The following ZNHIT6 variants were observed in gnomAD, a reference collection of about 807,000 sequenced individuals.
ZNHIT6 encodes the protein box C/D snoRNA protein 1.
Under a neutral mutation model 57.2 loss-of-function variants are expected in ZNHIT6, and 45 were observed. That is an observed-to-expected ratio of 0.79 (90% CI 0.62 to 1.01). ZNHIT6 has a LOEUF of 1.01. ZNHIT6 is among the 50% of genes least tolerant of loss of function. ZNHIT6 has a pLI of 0.00. For synonymous variants in ZNHIT6, 188 were observed against 190.0 expected, an observed-to-expected ratio of 0.99 and a Z score of 0.09; for missense variants, 528 against 567.3, an observed-to-expected ratio of 0.93 and a Z score of 0.70.
At chr1:85,677,173 G>C (rs1314391567) in intron 8 of ZNHIT6, 63 bp downstream of exon 8, 2 of 1,241,460 alleles carry the variant, frequency 1.6e-6, no homozygotes, top group African/African-American at 3.1e-5. Context: ...AGCTAATCAA[G>C]CTACTTAATT....
At chr1:85,663,262 A>C (rs1661274564) in intron 8 of ZNHIT6, among the ~76,000 whole-genome samples, 3 of 152,188 alleles carry the variant, frequency 2.0e-5, no homozygotes, top group Admixed American at 2.0e-4. Flanking sequence ...CTTATCAGGA[A>C]TTATATTTAT....
Position 85,707,908 on chromosome 1 carries a change from A to T in ZNHIT6, c.377T>A (p.Val126Glu), listed in dbSNP as rs755868986. The T allele has an allele frequency of 6.2e-7, 1 of 1,613,132 alleles. No individual in the cohort carries two copies. The highest frequency in any genetic ancestry group is 1.3e-5 in the African/African-American group (1 of 74,514). The stretch of plus-strand genomic sequence containing the variant: ...TTCACCCACCTTCGCTTCTTTTACC[A>T]CTAAACTACTATCCGTCTCCTGCTT... ...EVKQETDSSL[V>E]VKEAKVGEPE... Residue 126 changes from valine to glutamate, a missense_variant, in exon 1 of 10, where the codon GTG becomes GAG. Transcript: ENST00000370574.
chr1:85,678,101 C>G (rs1661757845), intron 7 of ZNHIT6, among the ~76,000 whole-genome samples: 2 of 152,170 alleles, frequency 1.3e-5, no homozygotes, highest in African/African-American at 2.4e-5. Context: ...TAATAAGGGA[C>G]AGAAACAGCT....
Position 85,707,981 on chromosome 1 carries a change from C to T in ZNHIT6, c.304G>A (p.Glu102Lys). ...TCATCCTTCACCTCAGGCCTATCCT[C>T]CACCTCCTGTTCTACCCACTGGCCA... ...LAGQWVEQEV[E>K]DRPEVKDENA... Residue 102 changes from glutamate (E) to lysine (K), a missense_variant, in exon 1 of 10, where the codon GAG (glutamate) becomes AAG (lysine). Glu to Lys is a moderately conservative substitution (Grantham distance 56). Coordinates refer to ENST00000370574, the MANE Select transcript of ZNHIT6 (RefSeq NM_017953.4). 2 of 1,614,160 alleles carry T rather than the reference C, an allele frequency of 1.2e-6. No homozygotes were observed. Among genetic ancestry groups the T allele is most frequent in the Non-Finnish European group, 1.7e-6 (2 of 1,180,024 alleles).
At position 85,708,404 on chromosome 1, in the gene ZNHIT6, C is replaced by T. The variant is rs1162754879; in HGVS notation, c.-120G>A. 23 of 1,313,476 alleles carry T rather than the reference C, an allele frequency of 1.8e-5. No individual in the cohort carries two copies. The highest frequency in any genetic ancestry group is 2.3e-5 in the Non-Finnish European group (22 of 973,806). 81.4% of individuals were successfully genotyped at this position (1,313,476 alleles called of 1,614,324 possible). A position where few individuals can be genotyped will look rare whatever the true frequency, so the allele number is the denominator to read the frequency against. On this transcript the variant is annotated 5_prime_UTR_variant, in exon 1 of 10. It adds an upstream start codon to the 5' untranslated region. Transcript: ENST00000370574. Reference sequence around the variant, plus strand: ...GCCCACGTGTGGAGCCAAGCAGCCACAAACCCGGAATAGCCTGCTTGACGC... The same window carrying T: ...GCCCACGTGTGGAGCCAAGCAGCCATAAACCCGGAATAGCCTGCTTGACGC...
In ZNHIT6 at chr1:85,708,371, C is replaced by T. The variant is rs76622062; in HGVS notation, c.-87G>A. 3 of 1,484,856 alleles carry T rather than the reference C, an allele frequency of 2.0e-6. No homozygotes were observed. Among genetic ancestry groups the T allele is most frequent in the African/African-American group, 1.4e-5 (1 of 71,848 alleles). 92.0% of individuals were successfully genotyped at this position (1,484,856 alleles called of 1,614,324 possible). A position where few individuals can be genotyped will look rare whatever the true frequency, so the allele number is the denominator to read the frequency against. On this transcript the variant is annotated 5_prime_UTR_variant, in exon 1 of 10. Coordinates refer to ENST00000370574, the MANE Select transcript of ZNHIT6 (RefSeq NM_017953.4). ...TAGGAGGAATTACCGGTCGGAATAC[C>T]TACGGCGGCCCACGTGTGGAGCCAA...
At chr1:85,686,038 T>A (rs1004172549) in intron 5 of ZNHIT6, among the ~76,000 whole-genome samples, 1 of 151,818 alleles carries the variant, frequency 6.6e-6, no homozygotes, top group South Asian at 2.1e-4. Context: ...CTCAGCTCAC[T>A]GCAAGCTCCA....
chr1:85,677,161 T>G, intron 8 of ZNHIT6, 75 bp downstream of exon 8: 1 of 1,088,066 alleles, frequency 9.2e-7, no homozygotes, highest in Middle Eastern at 3.1e-4. Flanking sequence ...TTTAATAACT[T>G]GAGCTAATCA....
At position 85,657,732 on chromosome 1, in the gene ZNHIT6, C is replaced by A; in HGVS notation, c.1372+115G>T. ...CACATTAACTAGCTATACAGTAGAT[C>A]CTGTAAGTGTGTAAATATAGTGGGA... On this transcript the variant is annotated intron_variant, in intron 9 of 9. Transcript: ENST00000370574. The A allele has an allele frequency of 3.1e-6, 3 of 970,080 alleles. No homozygotes were observed. In the South Asian group the frequency reaches 5.0e-5, roughly 16 times the overall value. The allele number at this position is 970,080 out of a possible 1,614,324, so 60.1% of individuals were successfully genotyped here.
chr1:85,685,726 A>G (rs1194647244), intron 5 of ZNHIT6, among the ~76,000 whole-genome samples: 3 of 151,770 alleles, frequency 2.0e-5, no homozygotes, highest in Non-Finnish European at 4.4e-5. Flanking sequence ...AGCTGGCTGT[A>G]TTTTTGAATT....
chr1:85,683,116 T>C (rs906632004), intron 5 of ZNHIT6, among the ~76,000 whole-genome samples: 3 of 151,050 alleles, frequency 2.0e-5, no homozygotes, highest in Non-Finnish European at 3.0e-5. Context: ...ACTCTGGAGG[T>C]TGAAGTGGGA....
At position 85,708,120 on chromosome 1, in the gene ZNHIT6, C is replaced by T. The variant is rs1662746345; in HGVS notation, c.165G>A (p.Lys55=). 6.2e-7 allele frequency: 1 copy of T among 1,614,032 alleles called. No homozygotes were observed. The highest frequency in any genetic ancestry group is 8.5e-7 in the Non-Finnish European group (1 of 1,180,044). The change falls in exon 1 of 10, where the codon AAG becomes AAA. Residue 55 remains lysine (K), a synonymous_variant. Transcript: ENST00000370574. The part of the protein sequence containing the change: ...GEEGTGLTGI[K]EIGDGEEGSG... ...TTCCTTCCTCTCCATCCCCTATCTC[C>T]TTTATCCCTGTCAGCCCTGTCCCCT...
rs555482892 is a variant in ZNHIT6 at position 85,708,346 on chromosome 1, T to C, written c.-62A>G. On this transcript the variant is annotated 5_prime_UTR_variant, in exon 1 of 10. Transcript: ENST00000370574. ...CTTCAATGTGGCTGCTGCACACCAA[T>C]AGGAGGAATTACCGGTCGGAATACC... 23 of 1,520,550 alleles carry C rather than the reference T, an allele frequency of 1.5e-5. No homozygotes were observed. In the African/African-American group the frequency reaches 2.1e-4, roughly 14 times the overall value. The allele number at this position is 1,520,550 out of a possible 1,614,324, so 94.2% of individuals were successfully genotyped here. A position where few individuals can be genotyped will look rare whatever the true frequency, so the allele number is the denominator to read the frequency against.
chr1:85,676,682 C>T (rs531054427), intron 8 of ZNHIT6, among the ~76,000 whole-genome samples: 132 of 152,112 alleles, frequency 8.7e-4, no homozygotes, highest in African/African-American at 3.1e-3. Flanking sequence ...GTTGGTAGAG[C>T]AGTCAGAACA....
At chr1:85,680,372 T>C (rs1018796724) in intron 6 of ZNHIT6, among the ~76,000 whole-genome samples, 19 of 152,224 alleles carry the variant, frequency 1.2e-4, no homozygotes, top group Admixed American at 1.2e-3. Context: ...CTTTGCATGG[T>C]AGAATTTTGG....
intron 5 of ZNHIT6, among the ~76,000 whole-genome samples, chr1:85,682,016 C>T (rs1369569007): frequency 3.8e-5 from 5 of 132,306 alleles, no homozygotes; most frequent in East Asian, 2.2e-4. Context: ...TTTTGTTCAT[C>T]TTTTTTTTTT....
intron 8 of ZNHIT6, among the ~76,000 whole-genome samples, chr1:85,658,770 C>G (rs1344152005): frequency 6.6e-6 from 1 of 151,930 alleles, no homozygotes; most frequent in Non-Finnish European, 1.5e-5. Flanking sequence ...ACTCGGGAGG[C>G]TGAGGTGGGA....
intron 9 of ZNHIT6, among the ~76,000 whole-genome samples, chr1:85,654,880 G>A (rs1288974995): frequency 1.3e-5 from 2 of 152,294 alleles, no homozygotes; most frequent in East Asian, 3.9e-4. Flanking sequence ...TATCTCCACT[G>A]AGTAGATAAG....
At chr1:85,670,302 G>T (rs1467176867) in intron 8 of ZNHIT6, among the ~76,000 whole-genome samples, 1 of 152,080 alleles carries the variant, frequency 6.6e-6, no homozygotes. Context: ...TGGTAGAATT[G>T]ACTAATTATG....
Sources: allele counts gnomAD v4.1 joint callset (sites outside exome capture counted in the v4.1 genomes callset), GRCh38; gene constraint gnomAD v4.1.1; transcripts MANE v1.5; gene names NCBI Gene and HGNC (gene_info 2026-07-23, HGNC 2026-07-21).